Variants in PLCL1 observed in about 807,000 individuals in gnomAD.
PLCL1 encodes phospholipase C like 1 (inactive), also known as inactive phospholipase C-like protein 1.
A neutral mutation model predicts 84.4 loss-of-function variants in PLCL1; 41 were observed. The observed-to-expected ratio is 0.49, with a 90% CI of 0.38 to 0.63. The LOEUF (loss-of-function observed/expected upper bound fraction) is 0.63, where lower values mean the gene tolerates loss of function less well. Ranked by LOEUF, PLCL1 falls within the 30% of genes least tolerant of loss-of-function variation. PLCL1 has a pLI of 0.00. For missense variants in PLCL1, 1,206 were observed against 1,367.8 expected (o/e 0.88, Z 1.87); for synonymous variants, 490 against 488.3 (o/e 1.00, Z -0.05).
intron 1 of PLCL1, among the ~76,000 whole-genome samples, chr2:197,985,206 C>T (rs1383258497): frequency 6.6e-6 from 1 of 152,180 alleles, no homozygotes; most frequent in Non-Finnish European, 1.5e-5. Flanking sequence ...CTGTATAACT[C>T]TGAGCCAGTT....
chr2:198,096,256 T>G (rs79502887), intron 3 of PLCL1, among the ~76,000 whole-genome samples: 2,534 of 152,324 alleles, frequency 0.017, 83 homozygotes, highest in African/African-American at 0.058. Flanking sequence ...TTAGATCATT[T>G]AGTCCTATGA....
At chr2:198,047,695 C>T (rs1422602722) in intron 1 of PLCL1, among the ~76,000 whole-genome samples, 1 of 152,110 alleles carries the variant, frequency 6.6e-6, no homozygotes, top group Non-Finnish European at 1.5e-5. Context: ...TTGGAAGGGG[C>T]ACTAGAAGCA....
At chr2:198,072,144 TTTTAAC>T (rs1455217606) in intron 1 of PLCL1, among the ~76,000 whole-genome samples, 5 of 151,896 alleles carry the variant, frequency 3.3e-5, no homozygotes, top group African/African-American at 7.2e-5. Flanking sequence ...TAATTTTTCC[TTTTAAC>T]TTTAAGTGAA....
chr2:197,892,713 G>A (rs1688053825), intron 1 of PLCL1, among the ~76,000 whole-genome samples: 1 of 152,048 alleles, frequency 6.6e-6, no homozygotes, highest in South Asian at 2.1e-4. Flanking sequence ...ATTGTTTTTG[G>A]ACCAGGTATG....
intron 1 of PLCL1, among the ~76,000 whole-genome samples, chr2:197,984,212 A>G (rs1420046678): frequency 6.6e-6 from 1 of 152,212 alleles, no homozygotes; most frequent in Non-Finnish European, 1.5e-5. Flanking sequence ...TTTTACTTTC[A>G]ATGTTTTAGT....
At chr2:198,051,406 C>T (rs1198844986) in intron 1 of PLCL1, among the ~76,000 whole-genome samples, 2 of 152,126 alleles carry the variant, frequency 1.3e-5, no homozygotes, top group African/African-American at 2.4e-5. Flanking sequence ...TTATGATAAA[C>T]ATGAGTCTAT....
chr2:198,053,799 TCAGATAATTGTGACTGCCATTGTTGAAGA>T, intron 1 of PLCL1, among the ~76,000 whole-genome samples: 1 of 152,258 alleles, frequency 6.6e-6, no homozygotes, highest in Admixed American at 6.5e-5. Flanking sequence ...ATAAAGCAAT[TCAGATAATTGTGACTGCCATTGTTGAAGA>T]CAGGCCTTTG....
chr2:198,003,597 C>A (rs559083448), intron 1 of PLCL1, among the ~76,000 whole-genome samples: 3 of 152,204 alleles, frequency 2.0e-5, no homozygotes, highest in Non-Finnish European at 4.4e-5. Context: ...CCTCGTCTAA[C>A]TTCTAGTATT....
chr2:198,048,812 T>A (rs1344969243), intron 1 of PLCL1, among the ~76,000 whole-genome samples: 1 of 152,216 alleles, frequency 6.6e-6, no homozygotes. Context: ...ACTAACCATA[T>A]TCACCTCCTA....
intron 1 of PLCL1, among the ~76,000 whole-genome samples, chr2:198,021,414 A>C (rs1691130376): frequency 6.6e-6 from 1 of 152,210 alleles, no homozygotes; most frequent in Admixed American, 6.5e-5. Context: ...GAACTGAAGG[A>C]GATAGAGACA....
intron 1 of PLCL1, among the ~76,000 whole-genome samples, chr2:197,932,736 A>C (rs1220433098): frequency 2.6e-5 from 4 of 152,214 alleles, no homozygotes; most frequent in Non-Finnish European, 5.9e-5. Context: ...ACACTATTCC[A>C]GGTATTGCAG....
chr2:197,939,437 A>G (rs554155187), intron 1 of PLCL1, among the ~76,000 whole-genome samples: 1 of 152,292 alleles, frequency 6.6e-6, no homozygotes, highest in South Asian at 2.1e-4. Context: ...CTTAAACGAC[A>G]GAAGTTGATT....
In PLCL1 at chr2:198,052,879, T is replaced by C. The variant is rs377517658; in HGVS notation, c.241-30879T>C. Among the ~76,000 whole-genome samples, 14 of 152,308 alleles carry C rather than the reference T, an allele frequency of 9.2e-5. 1 individual carries two copies. Among genetic ancestry groups the C allele is most frequent in the African/African-American group, 3.4e-4 (14 of 41,584 alleles). Reference sequence around the variant, plus strand: ...GGTACCTCCCCCTTCATTCCTAGCCTGGAAGAAGACTGGAGCCTCGAGATT... The same window carrying C: ...GGTACCTCCCCCTTCATTCCTAGCCCGGAAGAAGACTGGAGCCTCGAGATT... On this transcript the variant is annotated intron_variant, in intron 1 of 5. Transcript: ENST00000428675.
chr2:197,862,530 A>G (rs1687449926), intron 1 of PLCL1, among the ~76,000 whole-genome samples: 1 of 152,140 alleles, frequency 6.6e-6, no homozygotes, highest in Non-Finnish European at 1.5e-5. Flanking sequence ...ACATTTCAGT[A>G]CAGCTGGATG....
At chr2:198,124,554 A>T (rs16827788) in intron 5 of PLCL1, among the ~76,000 whole-genome samples, 3,088 of 152,150 alleles carry the variant, frequency 0.02, 92 homozygotes, top group African/African-American at 0.071. Context: ...TAGTCCTGGG[A>T]AATTGGGACC....
At chr2:198,132,062 C>T (rs1694132955) in intron 5 of PLCL1, among the ~76,000 whole-genome samples, 1 of 152,172 alleles carries the variant, frequency 6.6e-6, no homozygotes, top group Non-Finnish European at 1.5e-5. Flanking sequence ...CTCAGCTCTG[C>T]TGGTCTTTTA....
At position 198,084,917 on chromosome 2, in the gene PLCL1, C is replaced by T. The variant is rs766267203; in HGVS notation, c.1400C>T (p.Ser467Phe). Residue 467 changes from serine (S) to phenylalanine (F), a missense_variant, in exon 2 of 6, where the codon TCC becomes TTC. Coordinates refer to ENST00000428675, the MANE Select transcript of PLCL1 (RefSeq NM_006226.4). ...CNRNNMTTHV[S>F]FRSVIEVINK... ...CGAAATAACATGACAACCCATGTTT[C>T]CTTTCGAAGTGTCATAGAGGTAATA... 3.1e-6 allele frequency: 5 copies of T among 1,613,698 alleles called. No homozygotes were observed. Among genetic ancestry groups the T allele is most frequent in the Non-Finnish European group, 3.4e-6 (4 of 1,179,834 alleles).
At chr2:198,095,544 C>T (rs1011974351) in intron 3 of PLCL1, among the ~76,000 whole-genome samples, 3 of 152,092 alleles carry the variant, frequency 2.0e-5, no homozygotes, top group Admixed American at 6.6e-5. Flanking sequence ...CAAGCCACTG[C>T]GTTAAATGTT....
At chr2:198,073,412 C>A (rs1276969354) in intron 1 of PLCL1, among the ~76,000 whole-genome samples, 3 of 152,082 alleles carry the variant, frequency 2.0e-5, no homozygotes, top group Non-Finnish European at 4.4e-5. Flanking sequence ...AGAGGTAATG[C>A]AATAAGGATT....
Sources: allele counts gnomAD v4.1 joint callset (sites outside exome capture counted in the v4.1 genomes callset), GRCh38; gene constraint gnomAD v4.1.1; transcripts MANE v1.5; gene names NCBI Gene and HGNC (gene_info 2026-07-23, HGNC 2026-07-21).